SPARCL1: variants seen among roughly 807,000 people sequenced by gnomAD.
The protein encoded by SPARCL1 is SPARC-like protein 1.
In SPARCL1, 52 loss-of-function variants were observed where a neutral mutation model predicts 67.1. That is an observed-to-expected ratio of 0.78 (90% CI 0.62 to 0.98). The LOEUF (loss-of-function observed/expected upper bound fraction) is 0.98. Ranked by LOEUF, SPARCL1 falls within the 50% of genes least tolerant of loss-of-function variation. The pLI, the probability that SPARCL1 is intolerant of heterozygous loss-of-function variation, is 0.00. For synonymous variants in SPARCL1, 226 were observed against 267.8 expected (o/e 0.84, Z 1.52); for missense variants, 717 against 782.4 (o/e 0.92, Z 1.00).
At chr4:87,496,902 C>T (rs750352061) in intron 2 of SPARCL1, among the ~76,000 whole-genome samples, 4 of 152,076 alleles carry the variant, frequency 2.6e-5, no homozygotes, top group Non-Finnish European at 5.9e-5. Flanking sequence ...GAGACAGAGT[C>T]TCACTCTGTT....
chr4:87,516,967 G>T (rs1725607361), intron 1 of SPARCL1, among the ~76,000 whole-genome samples: 1 of 152,050 alleles, frequency 6.6e-6, no homozygotes, highest in South Asian at 2.1e-4. Context: ...GGAGACAGTT[G>T]CCTGTTCTTT....
At position 87,491,661 on chromosome 4, in the gene SPARCL1, C is replaced by T; in HGVS notation, c.1248G>A (p.Glu416=). Residue 416 remains glutamate (E), a synonymous_variant, in exon 5 of 11, where the codon GAG becomes GAA. Coordinates refer to ENST00000282470, the MANE Select transcript of SPARCL1 (RefSeq NM_004684.6). ...EAKKAENSSN[E]EETSSEGNMR... Reference sequence around the variant, plus strand: ...TGTTGCCTTCACTTGACGTTTCCTCCTCATTTGATGAGTTCTCTGCTTTCT... The same window carrying T: ...TGTTGCCTTCACTTGACGTTTCCTCTTCATTTGATGAGTTCTCTGCTTTCT... 6.2e-7 allele frequency: 1 copy of T among 1,613,732 alleles called. No homozygotes were observed. Among genetic ancestry groups the T allele is most frequent in the Non-Finnish European group, 8.5e-7 (1 of 1,179,706 alleles).
intron 1 of SPARCL1, among the ~76,000 whole-genome samples, chr4:87,517,666 T>G (rs959206987): frequency 1.3e-5 from 2 of 152,204 alleles, no homozygotes; most frequent in African/African-American, 4.8e-5. Flanking sequence ...ACTCTACCAG[T>G]ATAATATAAA....
At chr4:87,508,475 C>T (rs1396922106) in intron 1 of SPARCL1, among the ~76,000 whole-genome samples, 2 of 151,908 alleles carry the variant, frequency 1.3e-5, no homozygotes. Flanking sequence ...GCTGAGATTA[C>T]AGACATGGAT....
chr4:87,506,817 CT>C (rs1398830097), intron 1 of SPARCL1, among the ~76,000 whole-genome samples: 2,160 of 151,126 alleles, frequency 0.014, 45 homozygotes, highest in African/African-American at 0.05. Context: ...ATCTATCTAT[CT>C]ATCTATCTAC....
chr4:87,497,818 G>A (rs56390039), intron 2 of SPARCL1, among the ~76,000 whole-genome samples: 8 of 152,262 alleles, frequency 5.3e-5, no homozygotes, highest in Admixed American at 1.3e-4. Flanking sequence ...TGCTGTGTGC[G>A]ATCTTGGCTC....
At chr4:87,514,356 C>A (rs1725499068) in intron 1 of SPARCL1, among the ~76,000 whole-genome samples, 1 of 152,160 alleles carries the variant, frequency 6.6e-6, no homozygotes, top group Admixed American at 6.5e-5. Flanking sequence ...TGTCATATAA[C>A]CTCAGATGGC....
chr4:87,486,888 C>CTTTTTTTTTTTTTTTTT lies in SPARCL1; in HGVS notation c.1531+3368_1531+3384dup, dbSNP rs57597004. Among the ~76,000 whole-genome samples, 9 of 28,000 alleles carry CTTTTTTTTTTTTTTTTT rather than the reference C, an allele frequency of 3.2e-4. 2 individuals carry two copies. Among genetic ancestry groups the CTTTTTTTTTTTTTTTTT allele is most frequent in the Non-Finnish European group, 5.7e-4 (8 of 14,154 alleles). 18.4% of individuals were successfully genotyped at this position (28,000 alleles called of 152,430 possible). A position where few individuals can be genotyped will look rare whatever the true frequency, so the allele number is the denominator to read the frequency against. ...TCTGAGGCTAGTATTGCAATTCCTG[C>CTTTTTTTTTTTTTTTTT]TTTTTTTTTTTTTTTTTTTTTTTTT... On this transcript the variant is annotated intron_variant, in intron 7 of 10. Transcript: ENST00000282470.
intron 7 of SPARCL1, among the ~76,000 whole-genome samples, chr4:87,482,855 C>T (rs781168108): frequency 6.6e-6 from 1 of 152,058 alleles, no homozygotes; most frequent in Non-Finnish European, 1.5e-5. Context: ...GCAGCTAGGC[C>T]CCAGAATCAC....
At chr4:87,522,474 T>C (rs533047188) in intron 1 of SPARCL1, among the ~76,000 whole-genome samples, 1 of 151,870 alleles carries the variant, frequency 6.6e-6, no homozygotes, top group South Asian at 2.1e-4. Flanking sequence ...GAAGGGAGTA[T>C]TATGGAGATT....
intron 1 of SPARCL1, among the ~76,000 whole-genome samples, chr4:87,515,333 T>C (rs1335326227): frequency 6.6e-6 from 1 of 152,244 alleles, no homozygotes; most frequent in Non-Finnish European, 1.5e-5. Context: ...GGAGTTGTTT[T>C]GAGATTCAAA....
At chr4:87,478,490 T>G (rs1035146655) in intron 10 of SPARCL1, among the ~76,000 whole-genome samples, 1 of 150,540 alleles carries the variant, frequency 6.6e-6, no homozygotes, top group Admixed American at 6.7e-5. Context: ...CAGGCTGGAG[T>G]GCAGTGTTGG....
rs1293541505 is a variant in SPARCL1, at chr4:87,480,575, GT to G, written c.1669-56del. ...AGAATCAGACAAATGTAATGGACTT[GT>G]CACTTGCTATAAACTTTACTTGAAG... On this transcript the variant is annotated intron_variant, in intron 8 of 10. Coordinates refer to ENST00000282470, the MANE Select transcript of SPARCL1 (RefSeq NM_004684.6). The G allele has an allele frequency of 3.4e-6, 5 of 1,488,372 alleles. No homozygotes were observed. In the African/African-American group the frequency reaches 1.1e-4, roughly 32 times the overall value. The allele number at this position is 1,488,372 out of a possible 1,614,324, so 92.2% of individuals were successfully genotyped here.
intron 1 of SPARCL1, among the ~76,000 whole-genome samples, chr4:87,526,122 T>A (rs1429807158): frequency 6.6e-6 from 1 of 152,162 alleles, no homozygotes; most frequent in Non-Finnish European, 1.5e-5. Context: ...AAAGCAGCAT[T>A]TCTTCTCACT....
At chr4:87,485,708 G>A (rs1724028219) in intron 7 of SPARCL1, among the ~76,000 whole-genome samples, 1 of 151,910 alleles carries the variant, frequency 6.6e-6, no homozygotes, top group Non-Finnish European at 1.5e-5. Flanking sequence ...GCTTTTTTTG[G>A]TTGGTAGGCT....
At chr4:87,517,469 C>T (rs1370995872) in intron 1 of SPARCL1, among the ~76,000 whole-genome samples, 1 of 152,128 alleles carries the variant, frequency 6.6e-6, no homozygotes, top group Non-Finnish European at 1.5e-5. Context: ...TAAGACAATA[C>T]ACCTTTTAAA....
At chr4:87,517,144 A>G (rs1181251080) in intron 1 of SPARCL1, among the ~76,000 whole-genome samples, 2 of 152,078 alleles carry the variant, frequency 1.3e-5, no homozygotes, top group Non-Finnish European at 2.9e-5. Flanking sequence ...GGATTTTCTC[A>G]TATTTACATT....
intron 1 of SPARCL1, among the ~76,000 whole-genome samples, 181 bp from the exon 2 acceptor site, chr4:87,499,766 T>C (rs1362440244): frequency 6.6e-6 from 1 of 152,254 alleles, no homozygotes; most frequent in East Asian, 1.9e-4. Context: ...ATTGTGTACC[T>C]GTGAAAATTG....
intron 4 of SPARCL1, among the ~76,000 whole-genome samples, chr4:87,493,025 G>C (rs1724419127): frequency 1.3e-5 from 2 of 152,226 alleles, no homozygotes. Context: ...CAAGGCATTA[G>C]AGCAGCAGTT....
Sources: gnomAD v4.1 joint callset for allele counts (sites outside exome capture counted in the v4.1 genomes callset) on GRCh38, gnomAD v4.1.1 for gene constraint, MANE v1.5 for transcripts, NCBI Gene and HGNC (gene_info 2026-07-23, HGNC 2026-07-21) for gene names.